Variants in CHRM3 observed in about 807,000 individuals in gnomAD.
CHRM3 encodes the protein muscarinic acetylcholine receptor M3.
A neutral mutation model predicts 41.8 loss-of-function variants in CHRM3; 11 were observed. That is an observed-to-expected ratio of 0.26 (90% CI 0.17 to 0.44). CHRM3 has a LOEUF of 0.44. CHRM3 is among the 20% of genes least tolerant of loss of function. CHRM3 has a pLI of 1.00. For missense variants in CHRM3, 571 were observed against 745.4 expected (o/e 0.77, Z 2.72); for synonymous variants, 297 against 301.4 (o/e 0.99, Z 0.15).
At chr1:239,425,746 G>T (rs1334251212) in intron 1 of CHRM3, among the ~76,000 whole-genome samples, 1 of 152,144 alleles carries the variant, frequency 6.6e-6, no homozygotes, top group Non-Finnish European at 1.5e-5. Context: ...TTCTGATGAT[G>T]CCCCTGGATT....
chr1:239,718,821 G>A (rs1398087250), intron 5 of CHRM3: 1 of 151,996 alleles, frequency 6.6e-6, no homozygotes, highest in Non-Finnish European at 1.5e-5. Flanking sequence ...TAAGTTTGAA[G>A]GGGAGTCATA....
At position 239,914,393 on chromosome 1, in the gene CHRM3, T is replaced by G. The variant is rs375149527; in HGVS notation, c.*5169T>G. On this transcript the variant is annotated 3_prime_UTR_variant, in exon 7 of 7. Transcript: ENST00000676153. Reference sequence around the variant, plus strand: ...TATCAACATTCTGTGCACATCAATGTCCCATGCTGCTACTGTAGTCAGGAG... The same window carrying G: ...TATCAACATTCTGTGCACATCAATGGCCCATGCTGCTACTGTAGTCAGGAG... 5.4e-5 allele frequency: 9 copies of G among 167,064 alleles called. 1 individual carries two copies. The highest frequency in any genetic ancestry group is 5.2e-4 in the Admixed American group (8 of 15,280). The allele number at this position is 167,064 out of a possible 1,614,324, so 10.3% of individuals were successfully genotyped here. A position where few individuals can be genotyped will look rare whatever the true frequency, so the allele number is the denominator to read the frequency against.
chr1:239,565,578 T>C (rs1661280192), intron 3 of CHRM3, among the ~76,000 whole-genome samples: 1 of 152,168 alleles, frequency 6.6e-6, no homozygotes, highest in Non-Finnish European at 1.5e-5. Flanking sequence ...AGATTTCTTT[T>C]ATTAGGAATT....
intron 3 of CHRM3, among the ~76,000 whole-genome samples, chr1:239,580,626 A>C (rs1662783082): frequency 6.9e-6 from 1 of 145,228 alleles, no homozygotes; most frequent in Admixed American, 7.1e-5. Flanking sequence ...CAGAATATTC[A>C]CCAGTGCTTG....
intron 1 of CHRM3, among the ~76,000 whole-genome samples, chr1:239,491,142 C>T (rs1011801291): frequency 3.3e-5 from 5 of 152,190 alleles, no homozygotes; most frequent in Admixed American, 1.3e-4. Flanking sequence ...CACATCCATC[C>T]GTCCACATTA....
At chr1:239,502,310 C>T (rs777826572) in intron 2 of CHRM3, among the ~76,000 whole-genome samples, 5 of 152,062 alleles carry the variant, frequency 3.3e-5, no homozygotes, top group East Asian at 1.9e-4. Context: ...AACACCTTTA[C>T]GCACATAAAC....
chr1:239,436,288 G>A (rs776714376), intron 1 of CHRM3, among the ~76,000 whole-genome samples: 2 of 152,092 alleles, frequency 1.3e-5, no homozygotes, highest in Admixed American at 1.3e-4. Context: ...CTGAGCTCCC[G>A]CATCTGAGGG....
intron 5 of CHRM3, among the ~76,000 whole-genome samples, chr1:239,754,095 A>G (rs867056036): frequency 7.2e-5 from 11 of 152,342 alleles, no homozygotes; most frequent in Middle Eastern, 3.4e-3. Context: ...TCCTGCCCTA[A>G]GGGAGCTTAT....
At chr1:239,835,860 G>T (rs1346978942) in intron 6 of CHRM3, among the ~76,000 whole-genome samples, 3 of 152,230 alleles carry the variant, frequency 2.0e-5, no homozygotes, top group African/African-American at 4.8e-5. Flanking sequence ...CTAAATTACT[G>T]CATTTCAGGT....
chr1:239,463,618 G>C (rs1461616349), intron 1 of CHRM3, among the ~76,000 whole-genome samples: 1 of 152,100 alleles, frequency 6.6e-6, no homozygotes, highest in Non-Finnish European at 1.5e-5. Context: ...GTGAAGAAAG[G>C]AAATAGAACT....
At chr1:239,857,418 A>C (rs144434938) in intron 6 of CHRM3, among the ~76,000 whole-genome samples, 29 of 152,308 alleles carry the variant, frequency 1.9e-4, no homozygotes, top group African/African-American at 6.7e-4. Context: ...GTTAAATATT[A>C]ATCTGTTCCC....
intron 2 of CHRM3, among the ~76,000 whole-genome samples, chr1:239,509,330 C>T (rs974292024): frequency 6.6e-6 from 1 of 151,996 alleles, no homozygotes; most frequent in Non-Finnish European, 1.5e-5. Flanking sequence ...TATAGTCTTA[C>T]AATTATTTAA....
At chr1:239,884,161 T>C (rs1474984066) in intron 6 of CHRM3, among the ~76,000 whole-genome samples, 1 of 152,142 alleles carries the variant, frequency 6.6e-6, no homozygotes, top group African/African-American at 2.4e-5. Context: ...TGTTACCTAA[T>C]TTGGAAAAAG....
chr1:239,730,638 A>C (rs150883856), intron 5 of CHRM3, among the ~76,000 whole-genome samples: 298 of 152,136 alleles, frequency 2.0e-3, no homozygotes, highest in Admixed American at 7.9e-3. Flanking sequence ...GCCATGTTCT[A>C]GGAGCTGCAA....
chr1:239,475,012 A>G (rs1327383858), intron 1 of CHRM3, among the ~76,000 whole-genome samples: 2 of 152,150 alleles, frequency 1.3e-5, no homozygotes, highest in Non-Finnish European at 2.9e-5. Context: ...CACAAGAATA[A>G]GATTAAATTA....
At chr1:239,606,811 A>C (rs1666354289) in intron 3 of CHRM3, among the ~76,000 whole-genome samples, 1 of 152,180 alleles carries the variant, frequency 6.6e-6, no homozygotes, top group Non-Finnish European at 1.5e-5. Flanking sequence ...ATTAACTTTA[A>C]ATTCTAATGG....
chr1:239,855,309 T>C (rs191525463), intron 6 of CHRM3, among the ~76,000 whole-genome samples: 160 of 152,288 alleles, frequency 1.1e-3, no homozygotes, highest in Non-Finnish European at 1.6e-3. Context: ...AGGTTTCTAG[T>C]TGACTCTTTT....
intron 1 of CHRM3, among the ~76,000 whole-genome samples, chr1:239,434,674 C>CCTTTCTTCTGTCTT (rs1663093135): frequency 6.6e-6 from 1 of 152,058 alleles, no homozygotes; most frequent in Non-Finnish European, 1.5e-5. Flanking sequence ...TAAGTGCTTT[C>CCTTTCTTCTGTCTT]AATATACATC....
chr1:239,594,632 C>T (rs1418201445), intron 3 of CHRM3, among the ~76,000 whole-genome samples: 1 of 152,194 alleles, frequency 6.6e-6, no homozygotes, highest in Non-Finnish European at 1.5e-5. Context: ...GGCCACTTCA[C>T]AGTTTGATCT....
Sources: gnomAD v4.1 joint callset for allele counts (sites outside exome capture counted in the v4.1 genomes callset) on GRCh38, gnomAD v4.1.1 for gene constraint, MANE v1.5 for transcripts, NCBI Gene and HGNC (gene_info 2026-07-23, HGNC 2026-07-21) for gene names.